SVIL: variants seen among roughly 807,000 people sequenced by gnomAD.
SVIL encodes supervillin.
SVIL carries 101 observed loss-of-function variants against 240.4 expected under a neutral mutation model. That is an observed-to-expected ratio of 0.42 (90% CI 0.36 to 0.50). The LOEUF is 0.50. Ranked by LOEUF, SVIL falls within the 20% of genes least tolerant of loss-of-function variation. The pLI is 0.01. For synonymous variants in SVIL, 999 were observed against 1,100.0 expected (o/e 0.91, Z 1.82); for missense variants, 2,512 against 2,818.7 (o/e 0.89, Z 2.46).
At chr10:29,470,709 G>A (rs1945474369) in intron 31 of SVIL, among the ~76,000 whole-genome samples, 1 of 152,166 alleles carries the variant, frequency 6.6e-6, no homozygotes, top group Non-Finnish European at 1.5e-5. Context: ...GTTAGAAGCA[G>A]GTGATCTGAA....
At position 29,494,926 on chromosome 10, in the gene SVIL, G is replaced by C. The variant is rs746770875; in HGVS notation, c.3829C>G (p.Leu1277Val). ...TTCCAGTAGGTACCTTTGTTATTCA[G>C]CCTTCTTAGAAAGGTTTCCAGCCTG... ...LDRLETFLRR[L>V]NNKVGGMHET... The change falls in exon 20 of 38, where the codon CTG becomes GTG. Residue 1277 changes from leucine to valine, a missense_variant. By Grantham distance (32) the Leu-to-Val change is conservative. This residue lies in a region of SVIL where 272 missense variants were observed against 406.8 expected (regional missense o/e 0.67). Coordinates refer to ENST00000355867, the MANE Select transcript of SVIL (RefSeq NM_021738.3). 6.2e-7 allele frequency: 1 copy of C among 1,614,044 alleles called. No individual in the cohort carries two copies. Among genetic ancestry groups the C allele is most frequent in the Non-Finnish European group, 8.5e-7 (1 of 1,180,006 alleles).
chr10:29,673,709 T>A (rs987103448), intron 2 of SVIL, among the ~76,000 whole-genome samples: 1 of 152,102 alleles, frequency 6.6e-6, no homozygotes, highest in African/African-American at 2.4e-5. Flanking sequence ...ACCGCCTCCA[T>A]GATCCAATCA....
At chr10:29,671,215 C>T (rs1959747876) in intron 2 of SVIL, 1 of 152,162 alleles carries the variant, frequency 6.6e-6, no homozygotes, top group East Asian at 1.9e-4. Context: ...AAATTAGCTC[C>T]CCAAAGTAAC....
At chr10:29,508,336 G>A (rs1359556814) in intron 17 of SVIL, 1 of 1,288,004 alleles carries the variant, frequency 7.8e-7, no homozygotes, top group Non-Finnish European at 1.0e-6. Context: ...TTAGAGTCAG[G>A]CTTACCCAAA....
chr10:29,487,352 G>C, intron 23 of SVIL, 53 bp from the exon 24 acceptor site: 1 of 1,601,020 alleles, frequency 6.2e-7, no homozygotes, highest in Non-Finnish European at 8.5e-7. Flanking sequence ...GGGATAGGAC[G>C]CACCCCATAT....
At chr10:29,521,147 C>G (rs534538656) in intron 16 of SVIL, among the ~76,000 whole-genome samples, 1 of 149,180 alleles carries the variant, frequency 6.7e-6, no homozygotes, top group African/African-American at 2.5e-5. Context: ...CGCTTGAACC[C>G]GGGAGGCAGA....
Position 29,609,240 on chromosome 10 carries a change from C to A in SVIL, c.-201+25180G>T, listed in dbSNP as rs76431588. Among the ~76,000 whole-genome samples the A allele has an allele frequency of 4.8e-3, 729 of 152,318 alleles. 3 individuals are homozygous for A. Among genetic ancestry groups the A allele is most frequent in the Non-Finnish European group, 7.5e-3 (508 of 68,022 alleles). ...AAAGGAGCTGTAACATGTTCTTGAC[C>A]AGCTCGCTGAGCTGTGGGTGGTGAC... On this transcript the variant is annotated intron_variant, in intron 1 of 37. Transcript: ENST00000355867.
At position 29,530,652 on chromosome 10, in the gene SVIL, A is replaced by G; in HGVS notation, c.2061T>C (p.Asp687=). The part of the protein sequence containing the change: ...TPTVDDEEKV[D]ERAKLSVAAK... ...CGGCGACGCTCAGCTTGGCTCGTTC[A>G]TCCACCTTTTCTTCATCTGCAAAAA... Residue 687 remains aspartate (D), a synonymous_variant, in exon 11 of 38, where the codon GAT becomes GAC. Transcript: ENST00000355867. 1.9e-6 allele frequency: 3 copies of G among 1,614,180 alleles called. No individual in the cohort carries two copies. Among genetic ancestry groups the G allele is most frequent in the Non-Finnish European group, 2.5e-6 (3 of 1,180,014 alleles).
chr10:29,652,434 A>C (rs372243918), intron 3 of SVIL, among the ~76,000 whole-genome samples: 14 of 152,238 alleles, frequency 9.2e-5, no homozygotes, highest in African/African-American at 2.9e-4. Flanking sequence ...ACCACATTTT[A>C]TTTGTCTCTT....
chr10:29,509,705 C>T (rs1472588250), intron 17 of SVIL, among the ~76,000 whole-genome samples: 1 of 152,106 alleles, frequency 6.6e-6, no homozygotes, highest in Admixed American at 6.6e-5. Flanking sequence ...AAAAAATTAG[C>T]TGGGCATGGT....
chr10:29,523,252 C>T (rs1044438489), intron 15 of SVIL, among the ~76,000 whole-genome samples, 199 bp downstream of exon 15: 33 of 152,170 alleles, frequency 2.2e-4, no homozygotes, highest in Admixed American at 6.5e-5. Flanking sequence ...GAAAGCTCTT[C>T]CAGTAGTTTT....
intron 1 of SVIL, among the ~76,000 whole-genome samples, chr10:29,696,293 G>T (rs1461324491): frequency 6.6e-6 from 1 of 151,896 alleles, no homozygotes; most frequent in Non-Finnish European, 1.5e-5. Context: ...GCATGATCTC[G>T]GCTCGCTATG....
chr10:29,616,896 T>C (rs1957446807), intron 1 of SVIL, among the ~76,000 whole-genome samples: 1 of 152,208 alleles, frequency 6.6e-6, no homozygotes, highest in Admixed American at 6.5e-5. Context: ...CTAATTTTTA[T>C]ATTTTTAGTA....
chr10:29,521,149 G>A, intron 16 of SVIL, among the ~76,000 whole-genome samples: 1 of 151,384 alleles, frequency 6.6e-6, no homozygotes, highest in East Asian at 1.9e-4. Context: ...CTTGAACCCG[G>A]GAGGCAGAGG....
intron 6 of SVIL, among the ~76,000 whole-genome samples, chr10:29,546,632 G>A (rs921382156): frequency 6.6e-6 from 1 of 152,126 alleles, no homozygotes; most frequent in Non-Finnish European, 1.5e-5. Flanking sequence ...TATATACACA[G>A]ATGTGTACAG....
At chr10:29,516,586 G>A (rs531811199) in intron 16 of SVIL, among the ~76,000 whole-genome samples, 25 of 152,334 alleles carry the variant, frequency 1.6e-4, no homozygotes, top group African/African-American at 5.5e-4. Flanking sequence ...AATTCCTGCC[G>A]GTGCAATTCA....
intron 35 of SVIL, among the ~76,000 whole-genome samples, chr10:29,463,140 G>A (rs1765759806): frequency 6.6e-6 from 1 of 152,168 alleles, no homozygotes; most frequent in Non-Finnish European, 1.5e-5. Flanking sequence ...TAATGTACAG[G>A]GCAGAGGCCA....
At chr10:29,489,050 G>A in intron 22 of SVIL, among the ~76,000 whole-genome samples, 1 of 152,204 alleles carries the variant, frequency 6.6e-6, no homozygotes, top group East Asian at 1.9e-4. Flanking sequence ...AAAACCAGGA[G>A]CTGGATGCAC....
intron 1 of SVIL, among the ~76,000 whole-genome samples, chr10:29,691,897 C>G (rs4747675): frequency 0.26 from 38,989 of 152,016 alleles, 5,554 homozygotes; most frequent in African/African-American, 0.37. Context: ...AATAACTGAG[C>G]AGCACGCTAA....
Sources: gnomAD v4.1 joint callset for allele counts (sites outside exome capture counted in the v4.1 genomes callset) on GRCh38, gnomAD v4.1.1 for gene constraint, gnomAD v4.1.1 regional missense constraint, MANE v1.5 for transcripts, NCBI Gene and HGNC (gene_info 2026-07-23, HGNC 2026-07-21) for gene names.